The following CYFIP1 variants were observed in gnomAD, a reference collection of about 807,000 sequenced individuals.
CYFIP1 encodes the protein cytoplasmic FMR1-interacting protein 1.
Under a neutral mutation model 163.5 loss-of-function variants are expected in CYFIP1, and 58 were observed. The observed-to-expected ratio is 0.35, with a 90% CI of 0.29 to 0.44. CYFIP1 has a LOEUF of 0.44. Ranked by LOEUF, CYFIP1 falls within the 20% of genes least tolerant of loss-of-function variation. The probability of loss-of-function intolerance (pLI) is 1.00; values close to 1 mark genes in which losing one functional copy is unlikely to be tolerated. For missense variants in CYFIP1, 1,338 were observed against 1,653.8 expected (o/e 0.81, Z 3.31); for synonymous variants, 663 against 660.7 (o/e 1.00, Z -0.05).
intron 1 of CYFIP1, among the ~76,000 whole-genome samples, chr15:22,958,947 C>T (rs1483746037): frequency 6.6e-6 from 1 of 152,212 alleles, no homozygotes. Context: ...GTCTCAATCG[C>T]TCATAGAACA....
intron 27 of CYFIP1, 88 bp from the exon 28 acceptor site, chr15:22,874,732 A>T: frequency 2.4e-6 from 2 of 849,162 alleles, no homozygotes; most frequent in Non-Finnish European, 3.4e-6. Context: ...AAAACAAAAG[A>T]TTTTTAAGTT....
At chr15:22,947,820 A>C (rs1595682104) in intron 1 of CYFIP1, 1 of 438,756 alleles carries the variant, frequency 2.3e-6, no homozygotes, top group Non-Finnish European at 3.0e-6. Context: ...TGAGATTGCA[A>C]GGAGTATGGG....
At chr15:22,923,965 A>AAC (rs1232264099) in intron 13 of CYFIP1, among the ~76,000 whole-genome samples, 2 of 150,364 alleles carry the variant, frequency 1.3e-5, no homozygotes, top group South Asian at 2.1e-4. Context: ...AAAAAAAAAA[A>AAC]CAAGAAAAAG....
chr15:22,879,884 G>A (rs1293007284), intron 26 of CYFIP1, 29 bp downstream of exon 26: 1 of 1,584,334 alleles, frequency 6.3e-7, no homozygotes, highest in Non-Finnish European at 8.6e-7. Context: ...GGCTGGGGCG[G>A]GGAGGGGCGG....
Position 22,932,213 on chromosome 15 carries a change from C to A in CYFIP1, c.1110+10G>T, listed in dbSNP as rs774951528. 2 of 1,601,986 alleles carry A rather than the reference C, an allele frequency of 1.2e-6. No individual in the cohort carries two copies. Among genetic ancestry groups the A allele is most frequent in the African/African-American group, 1.3e-5 (1 of 74,478 alleles). On this transcript the variant is annotated intron_variant, in intron 11 of 30. Coordinates refer to ENST00000617928, the MANE Select transcript of CYFIP1 (RefSeq NM_014608.6). ...CGGGTGCCTGTGCAGCTCCAGGTCG[C>A]GGGGCGCACCTCGCTGTTGCTGTAG... is the stretch of plus-strand genomic sequence containing the variant.
At chr15:22,909,975 T>A (rs1331183803) in intron 20 of CYFIP1, among the ~76,000 whole-genome samples, 1 of 151,940 alleles carries the variant, frequency 6.6e-6, no homozygotes, top group Admixed American at 6.6e-5. Context: ...GGCTGACCCC[T>A]CCGGGCTATG....
At chr15:22,918,073 G>A in intron 14 of CYFIP1, 138 bp from the exon 15 acceptor site, 1 of 1,009,940 alleles carries the variant, frequency 9.9e-7, no homozygotes, top group Non-Finnish European at 1.5e-6. Context: ...GGCCATGGAG[G>A]GATGTGGTAA....
In CYFIP1 at chr15:22,909,281, C is replaced by T. The variant is rs1423868005; in HGVS notation, c.2301G>A (p.Leu767=). 6.2e-6 allele frequency: 10 copies of T among 1,614,038 alleles called. No individual in the cohort carries two copies. The highest frequency in any genetic ancestry group is 8.5e-6 in the Non-Finnish European group (10 of 1,180,022). ...LLGRSIDLNR[L]ITQRVSAAMY... ...TGGCTGCTGAGACGCGCTGGGTGAT[C>T]AGACGATTGAGGTCTATTGATCTGC... Residue 767 remains leucine, a synonymous_variant, in exon 21 of 31, where the codon CTG becomes CTA. Coordinates refer to ENST00000617928, the MANE Select transcript of CYFIP1 (RefSeq NM_014608.6).
intron 21 of CYFIP1, chr15:22,904,192 C>T (rs1301865682): frequency 2.0e-6 from 1 of 502,794 alleles, no homozygotes; most frequent in African/African-American, 1.9e-5. Context: ...CTGCTACTGC[C>T]ACCCTTCCCC....
In CYFIP1 at chr15:22,926,124, A is replaced by T. The variant is rs2289821; in HGVS notation, c.1234-17T>A. On this transcript the variant is annotated splice_polypyrimidine_tract_variant and intron_variant, in intron 12 of 30. Coordinates refer to ENST00000617928, the MANE Select transcript of CYFIP1 (RefSeq NM_014608.6). ...CCAGGAATACTGTGGTGGCCGAAAGAGCAGAGGTGTTCCATATTGCATGCA... is the reference window on the plus strand; with the variant it reads ...CCAGGAATACTGTGGTGGCCGAAAGTGCAGAGGTGTTCCATATTGCATGCA... The T allele has an allele frequency of 1.9e-6, 3 of 1,613,912 alleles. No homozygotes were observed. In the Admixed American group the frequency reaches 5.0e-5, roughly 27 times the overall value.
At chr15:22,927,799 C>A (rs2142185349) in intron 12 of CYFIP1, 107 bp downstream of exon 12, 1 of 1,145,448 alleles carries the variant, frequency 8.7e-7, no homozygotes. Flanking sequence ...GATAGATATT[C>A]TCGTCTTTCT....
chr15:22,910,415 G>C, intron 20 of CYFIP1, 105 bp downstream of exon 20: 1 of 867,102 alleles, frequency 1.2e-6, no homozygotes, highest in Non-Finnish European at 1.8e-6. Flanking sequence ...GCCCACCTTG[G>C]CCTCCCAGTG....
At chr15:22,918,941 C>A in intron 13 of CYFIP1, 83 bp from the exon 14 acceptor site, 1 of 1,127,646 alleles carries the variant, frequency 8.9e-7, no homozygotes, top group South Asian at 1.5e-5. Flanking sequence ...GGGGGCTGCT[C>A]CTCCTCGCCC....
chr15:22,913,209 A>G (rs1380372504), intron 17 of CYFIP1, among the ~76,000 whole-genome samples: 8 of 150,170 alleles, frequency 5.3e-5, no homozygotes, highest in Non-Finnish European at 1.0e-4. Flanking sequence ...TGGGGGGAAA[A>G]AAAAAAAGAA....
At chr15:22,934,139 CCA>C (rs1428760159) in intron 9 of CYFIP1, among the ~76,000 whole-genome samples, 2 of 131,810 alleles carry the variant, frequency 1.5e-5, no homozygotes, top group Non-Finnish European at 3.3e-5. Context: ...GTTGCTAGAT[CCA>C]CAGTCATAAA....
In CYFIP1 at chr15:22,867,244, AAC is replaced by A. The variant is rs1566886002; in HGVS notation, c.*2782_*2783del. The A allele has an allele frequency of 2.0e-5, 8 of 404,186 alleles. No homozygotes were observed. Among genetic ancestry groups the A allele is most frequent in the East Asian group, 1.4e-4 (4 of 28,248 alleles). 25.0% of individuals were successfully genotyped at this position (404,186 alleles called of 1,614,324 possible). A position where few individuals can be genotyped will look rare whatever the true frequency, so the allele number is the denominator to read the frequency against. ...ATGTAAGGCTTTTTTATTTTAAAAA[AAC>A]AGAGTTATCCCAATACATTATCCTG... On this transcript the variant is annotated 3_prime_UTR_variant, in exon 31 of 31. Coordinates refer to ENST00000617928, the MANE Select transcript of CYFIP1 (RefSeq NM_014608.6).
chr15:22,963,589 T>C (rs916067178), intron 1 of CYFIP1, among the ~76,000 whole-genome samples: 4 of 142,964 alleles, frequency 2.8e-5, no homozygotes, highest in Middle Eastern at 3.5e-3. Context: ...TGAAAACTTT[T>C]TGTGAACATA....
intron 4 of CYFIP1, 26 bp downstream of exon 4, chr15:22,944,836 G>T: frequency 6.2e-7 from 1 of 1,609,606 alleles, no homozygotes; most frequent in Middle Eastern, 1.7e-4. Context: ...TGTGGCTGGA[G>T]GGGAAGAGCC....
Position 22,879,314 on chromosome 15 carries a change from A to C in CYFIP1, c.3042+599T>G, listed in dbSNP as rs566861426. 3.3e-4 allele frequency among the ~76,000 whole-genome samples: 50 copies of C among 152,280 alleles called. 3 individuals carry two copies. In the South Asian group the frequency reaches 9.1e-3, roughly 28 times the overall value. On this transcript the variant is annotated intron_variant, in intron 26 of 30. Transcript: ENST00000617928. ...TGGCTTTCCCAGCCCAGGAGGTTAT[A>C]AACTGAGCTGCTGTGATGTACAGGA...
Sources: allele counts gnomAD v4.1 joint callset (sites outside exome capture counted in the v4.1 genomes callset), GRCh38; gene constraint gnomAD v4.1.1; transcripts MANE v1.5; gene names NCBI Gene and HGNC (gene_info 2026-07-23, HGNC 2026-07-21).